ANKRD26: variants seen among roughly 807,000 people sequenced by gnomAD.
The protein encoded by ANKRD26 is ankyrin repeat domain 26, also known as ankyrin repeat domain-containing protein 26.
Under a neutral mutation model 208.7 loss-of-function variants are expected in ANKRD26, and 141 were observed. The observed-to-expected ratio is 0.68, with a 90% CI of 0.59 to 0.78. The LOEUF (loss-of-function observed/expected upper bound fraction) is 0.78. Ranked by LOEUF, ANKRD26 falls within the 30% of genes least tolerant of loss-of-function variation. The pLI is 0.00. For missense variants in ANKRD26, 1,889 were observed against 1,938.7 expected (o/e 0.97, Z 0.48); for synonymous variants, 636 against 660.4 (o/e 0.96, Z 0.57).
At chr10:27,009,965 C>T (rs2053035198) in intron 32 of ANKRD26, among the ~76,000 whole-genome samples, 1 of 152,130 alleles carries the variant, frequency 6.6e-6, no homozygotes, top group African/African-American at 2.4e-5. Flanking sequence ...AGGATTCTTT[C>T]ATAACCAGTA....
At chr10:27,077,860 T>G (rs1407655588) in intron 7 of ANKRD26, among the ~76,000 whole-genome samples, 167 bp from the exon 8 acceptor site, 1 of 152,186 alleles carries the variant, frequency 6.6e-6, no homozygotes, top group Non-Finnish European at 1.5e-5. Context: ...TTGCTACATC[T>G]TCTCATGGGG....
At chr10:27,011,506 A>G (rs2053109903) in intron 32 of ANKRD26, among the ~76,000 whole-genome samples, 1 of 150,408 alleles carries the variant, frequency 6.6e-6, no homozygotes, top group African/African-American at 2.4e-5. Context: ...AGCATAGTTG[A>G]TTTTTTTTTT....
exon 6 of ANKRD26, among the ~76,000 whole-genome samples, chr10:26,974,148 C>T (rs557071792): frequency 6.0e-4 from 92 of 152,102 alleles, no homozygotes; most frequent in Middle Eastern, 3.4e-3. Flanking sequence ...TATATTAACC[C>T]CTTTCCTGAA....
At chr10:26,970,380 A>ATAGTGAGTGTCTTCTTGTGAGATCTAGC (rs2052125908), downstream of ANKRD26, among the ~76,000 whole-genome samples, 1 of 152,128 alleles carries the variant, frequency 6.6e-6, no homozygotes, top group Non-Finnish European at 1.5e-5. Context: ...TGAGATCTAG[A>ATAGTGAGTGTCTTCTTGTGAGATCTAGC]TAGTGAGTGT....
Position 27,006,918 on chromosome 10 carries a change from T to G in ANKRD26, c.4998A>C (p.Glu1666Asp), listed in dbSNP as rs374115626. ...AATTCATGAAGTTTGGCAACATACC[T>G]TCTTTGAGTTCTCTAGTTATATTTT... ...LEKNITRELK[E>D]AAAELESGSI... is the part of the protein sequence containing the mutation. The change falls in exon 33 of 34, where the codon GAA becomes GAC. Residue 1666 changes from glutamate (E) to aspartate (D), a missense_variant and splice_region_variant. Physicochemically the swap from Glu to Asp is conservative, Grantham distance 45 (BLOSUM62 2). This residue lies in a region of ANKRD26 where 613 missense variants were observed against 648.2 expected (regional missense o/e 0.95). Transcript: ENST00000376087. The G allele has an allele frequency of 3.1e-6, 5 of 1,608,120 alleles. No homozygotes were observed. Among genetic ancestry groups the G allele is most frequent in the Non-Finnish European group, 4.3e-6 (5 of 1,175,596 alleles).
chr10:27,100,258 G>A lies in ANKRD26; in HGVS notation c.69C>T (p.Ser23=), dbSNP rs572957142. 3.7e-6 allele frequency: 6 copies of A among 1,610,968 alleles called. No homozygotes were observed. The African/African-American group carries it at 8.0e-5, about 21-fold the overall frequency. ...CCCCCGGCTCGCCCCCGCCTCCCGC[G>A]CTGCTCCTCTGCCGCCGCGCGAAGG... ...LGSFARRQRS[S]AGGGGEPGEG... is the part of the protein sequence containing the mutation. Residue 23 remains serine (S), a synonymous_variant, in exon 1 of 34, where the codon AGC becomes AGT. Transcript: ENST00000376087.
the ANKRD26 span, among the ~76,000 whole-genome samples, chr10:26,956,331 T>G: frequency 6.6e-6 from 1 of 152,154 alleles, no homozygotes; most frequent in Non-Finnish European, 1.5e-5. Flanking sequence ...CCATAAAAAT[T>G]TCTGAACCAT....
rs767255528 is a variant in ANKRD26 at position 27,040,152 on chromosome 10, C to G, written c.2188G>C (p.Asp730His). The change falls in exon 21 of 34, where the codon GAT (aspartate) becomes CAT (histidine). Residue 730 changes from aspartate (D) to histidine (H), a missense_variant. Asp to His is a moderately conservative substitution (Grantham distance 81, BLOSUM62 -1). Coordinates refer to ENST00000376087, the MANE Select transcript of ANKRD26 (RefSeq NM_014915.3). ...AATCTTTCACATGAAAGAGCTGCAT[C>G]CTGGATTTTCAATAGGCTAACAGAA... ...KDSVSLLKIQ[D>H]AALSCERLLE... 1.2e-6 allele frequency: 2 copies of G among 1,612,202 alleles called. No homozygotes were observed. Among genetic ancestry groups the G allele is most frequent in the Non-Finnish European group, 1.7e-6 (2 of 1,179,306 alleles).
intron 11 of ANKRD26, among the ~76,000 whole-genome samples, chr10:27,065,394 G>A (rs184184836): frequency 1.3e-5 from 2 of 152,068 alleles, no homozygotes; most frequent in Non-Finnish European, 2.9e-5. Flanking sequence ...TCATTGGGAA[G>A]GTCTCAAGCG....
intron 27 of ANKRD26, among the ~76,000 whole-genome samples, chr10:27,026,074 G>T (rs1043670807): frequency 6.6e-6 from 1 of 152,196 alleles, no homozygotes; most frequent in Non-Finnish European, 1.5e-5. Flanking sequence ...ACAAGGGTCA[G>T]ATTATTGATT....
At position 27,093,804 on chromosome 10, in the gene ANKRD26, G is replaced by T. The variant is rs1393397420; in HGVS notation, c.243-5C>A. 1 of 1,603,908 alleles carries T rather than the reference G, an allele frequency of 6.2e-7. No individual in the cohort carries two copies. Among genetic ancestry groups the T allele is most frequent in the Admixed American group, 1.7e-5 (1 of 59,984 alleles). The stretch of plus-strand genomic sequence containing the variant: ...CAGGCCAAATGTAGAGCCGTCCTAT[G>T]AGAGTGACAGGACTTTTTATAAACT... On this transcript the variant is annotated splice_region_variant and splice_polypyrimidine_tract_variant and intron_variant, in intron 1 of 33. Transcript: ENST00000376087.
intron 11 of ANKRD26, among the ~76,000 whole-genome samples, chr10:27,065,333 T>G (rs1489528760): frequency 6.6e-6 from 1 of 152,212 alleles, no homozygotes; most frequent in African/African-American, 2.4e-5. Context: ...GCCTAGCACA[T>G]GGTTGGTACT....
intron 5 of ANKRD26, among the ~76,000 whole-genome samples, chr10:26,993,240 C>T (rs909145326): frequency 6.6e-6 from 1 of 152,162 alleles, no homozygotes; most frequent in Non-Finnish European, 1.5e-5. Flanking sequence ...TCTTAACCAT[C>T]CTGGGGGTAA....
downstream of ANKRD26, among the ~76,000 whole-genome samples, chr10:26,969,541 C>T (rs992274538): frequency 5.5e-4 from 83 of 152,270 alleles, no homozygotes; most frequent in African/African-American, 2.0e-3. Context: ...GCAGGGACTC[C>T]AGCACTCTCC....
intron 5 of ANKRD26, among the ~76,000 whole-genome samples, chr10:26,977,178 C>A (rs2134608102): frequency 6.6e-6 from 1 of 152,320 alleles, no homozygotes; most frequent in East Asian, 1.9e-4. Context: ...CCATTGCTTG[C>A]TTACCCAGGA....
Position 27,055,889 on chromosome 10 carries a change from C to G in ANKRD26, c.1565-2499G>C, listed in dbSNP as rs568184838. Among the ~76,000 whole-genome samples the G allele has an allele frequency of 2.0e-5, 3 of 152,246 alleles. No homozygotes were observed. In the South Asian group the frequency reaches 6.2e-4, roughly 32 times the overall value. On this transcript the variant is annotated intron_variant, in intron 15 of 33. Coordinates refer to ENST00000376087, the MANE Select transcript of ANKRD26 (RefSeq NM_014915.3). ...ATAACTAACACTTGTGAATTCAGAG[C>G]TGTAAAAATAAAGCATAAAAACCAC...
chr10:27,078,971 C>G, intron 7 of ANKRD26, 118 bp downstream of exon 7: 1 of 750,446 alleles, frequency 1.3e-6, no homozygotes, highest in East Asian at 2.7e-5. Context: ...CTTCCCCTGA[C>G]CACCTTTCCA....
chr10:26,959,812 C>T, the ANKRD26 span, among the ~76,000 whole-genome samples: 3 of 151,978 alleles, frequency 2.0e-5, no homozygotes, highest in Admixed American at 2.0e-4. Context: ...TCCTGACAAA[C>T]GTTTGTGGAC....
chr10:27,029,090 AGTTG>A, intron 26 of ANKRD26, 145 bp from the exon 27 acceptor site: 2 of 1,002,144 alleles, frequency 2.0e-6, no homozygotes, highest in Non-Finnish European at 2.9e-6. Context: ...TCGTTTTTCT[AGTTG>A]TGGTTTGTGG....
Sources: gnomAD v4.1 joint callset for allele counts (sites outside exome capture counted in the v4.1 genomes callset) on GRCh38, gnomAD v4.1.1 for gene constraint, gnomAD v4.1.1 regional missense constraint, MANE v1.5 for transcripts, NCBI Gene and HGNC (gene_info 2026-07-23, HGNC 2026-07-21) for gene names.